Variants in PDZK1IP1 observed in about 807,000 individuals in gnomAD.
PDZK1IP1 encodes PDZK1-interacting protein 1.
Under a neutral mutation model 14.7 loss-of-function variants are expected in PDZK1IP1, and 9 were observed. That is an observed-to-expected ratio of 0.61 (90% confidence interval 0.37 to 1.07). The LOEUF (loss-of-function observed/expected upper bound fraction) is 1.07. Among genes scored for constraint, PDZK1IP1 ranks in the 50% least tolerant of loss-of-function variants. The probability of loss-of-function intolerance (pLI) is 0.01; values close to 1 mark genes in which losing one functional copy is unlikely to be tolerated. For synonymous variants in PDZK1IP1, 70 were observed against 61.2 expected, an observed-to-expected ratio of 1.14 and a Z score of -0.67; for missense variants, 152 against 148.7, an observed-to-expected ratio of 1.02 and a Z score of -0.11.
intron 3 of PDZK1IP1, 112 bp from the exon 4 acceptor site, chr1:47,184,155 C>A: frequency 2.4e-6 from 2 of 837,094 alleles, no homozygotes; most frequent in Non-Finnish European, 1.9e-6. Context: ...AAACACTTGA[C>A]TCCCAGAAGG....
In PDZK1IP1 at chr1:47,184,925, C is replaced by T; in HGVS notation, c.272+77G>A. On this transcript the variant is annotated intron_variant, in intron 3 of 3. Coordinates refer to ENST00000294338, the MANE Select transcript of PDZK1IP1 (RefSeq NM_005764.4). ...GAGTCTCCGTCCTCCCCAGCCACCTCCCCCCAGCAGCACCTGTCTTGAGAT... is the reference window on the plus strand; with the variant it reads ...GAGTCTCCGTCCTCCCCAGCCACCTTCCCCCAGCAGCACCTGTCTTGAGAT... 4 of 1,188,908 alleles carry T rather than the reference C, an allele frequency of 3.4e-6. No homozygotes were observed. The Middle Eastern group carries it at 7.7e-4, about 229-fold the overall frequency. The allele number at this position is 1,188,908 out of a possible 1,614,324, so 73.6% of individuals were successfully genotyped here. A position where few individuals can be genotyped will look rare whatever the true frequency, so the allele number is the denominator to read the frequency against.
chr1:47,184,967 GAGCACAGACCGGGC>G, intron 3 of PDZK1IP1, 21 bp downstream of exon 3: 1 of 1,522,686 alleles, frequency 6.6e-7, no homozygotes, highest in Non-Finnish European at 9.1e-7. Context: ...TAGGCCCTGG[GAGCACAGACCGGGC>G]AGCCCTGCCC....
At chr1:47,188,424 C>G (rs142623277) in intron 1 of PDZK1IP1, among the ~76,000 whole-genome samples, 1 of 152,250 alleles carries the variant, frequency 6.6e-6, no homozygotes, top group African/African-American at 2.4e-5. Context: ...CACTGCACTC[C>G]ATGAGCCTGC....
intron 2 of PDZK1IP1, among the ~76,000 whole-genome samples, chr1:47,185,545 A>G (rs1316639226): frequency 6.6e-6 from 1 of 152,140 alleles, no homozygotes; most frequent in Non-Finnish European, 1.5e-5. Flanking sequence ...AACCCCCTGC[A>G]GTGTGGGCTC....
Position 47,183,633 on chromosome 1 carries a change from ATAC to A in PDZK1IP1, c.*335_*337del. The A allele has an allele frequency of 3.3e-6, 1 of 304,296 alleles. No individual in the cohort carries two copies. 18.8% of individuals were successfully genotyped at this position (304,296 alleles called of 1,614,324 possible). ...CTGTTGCTGAGCCTCAGCCCCAGAA[ATAC>A]AAAAAGTCTTTATTTCACAGAAATT... On this transcript the variant is annotated 3_prime_UTR_variant, in exon 4 of 4. Transcript: ENST00000294338.
Position 47,184,059 on chromosome 1 carries a change from A to G in PDZK1IP1, c.273-16T>C. On this transcript the variant is annotated splice_polypyrimidine_tract_variant and intron_variant, in intron 3 of 3. Coordinates refer to ENST00000294338, the MANE Select transcript of PDZK1IP1 (RefSeq NM_005764.4). ...CTCACTGGACCTGAAAGAAGAAGGC[A>G]TGGGCCTGATGGGTCATCGCTCCTC... 1 of 1,559,880 alleles carries G rather than the reference A, an allele frequency of 6.4e-7. No individual in the cohort carries two copies.
intron 3 of PDZK1IP1, among the ~76,000 whole-genome samples, chr1:47,184,273 T>TGCAGTGGCTGCA (rs1220455957): frequency 6.7e-6 from 1 of 149,616 alleles, no homozygotes; most frequent in African/African-American, 2.5e-5. Flanking sequence ...CACCACTGGG[T>TGCAGTGGCTGCA]CCTACTGAGC....
chr1:47,185,048 G>A lies in PDZK1IP1; in HGVS notation c.226C>T (p.Leu76=). Residue 76 remains leucine (L), a synonymous_variant, in exon 3 of 4, where the codon CTG becomes TTG. Transcript: ENST00000294338. ...GAGTACCTTCCATCTGTTCCCACCA[G>A]GACTCCATCTGCCTTGTTTCCGACG... ...LTVGNKADGV[L]VGTDGRYSSM... The A allele has an allele frequency of 6.2e-7, 1 of 1,613,456 alleles. No individual in the cohort carries two copies. Among genetic ancestry groups the A allele is most frequent in the South Asian group, 1.1e-5 (1 of 91,082 alleles).
rs867895027 is a variant in PDZK1IP1, at chr1:47,187,530, C to G, written c.68-103G>C. The G allele has an allele frequency of 6.2e-5, 55 of 884,894 alleles. No homozygotes were observed. In the Middle Eastern group the frequency reaches 1.6e-3, roughly 26 times the overall value. 54.8% of individuals were successfully genotyped at this position (884,894 alleles called of 1,614,324 possible). On this transcript the variant is annotated intron_variant, in intron 1 of 3. Coordinates refer to ENST00000294338, the MANE Select transcript of PDZK1IP1 (RefSeq NM_005764.4). ...TCAAGGACCCCACCTATGCTGAAGG[C>G]CCTCAGCCAGCTGCCAGGAGCAAGG...
intron 2 of PDZK1IP1, among the ~76,000 whole-genome samples, chr1:47,186,136 T>A (rs113602648): frequency 0.055 from 8,355 of 151,936 alleles, 776 homozygotes; most frequent in African/African-American, 0.19. Context: ...GAGTGAAACC[T>A]GTCTCTACTA....
intron 1 of PDZK1IP1, among the ~76,000 whole-genome samples, chr1:47,188,895 C>A (rs3737771): frequency 2.0e-5 from 3 of 152,196 alleles, no homozygotes; most frequent in African/African-American, 7.2e-5. Flanking sequence ...TAGGGCTCAA[C>A]CCTTGGAGGC....
chr1:47,187,808 C>T (rs1489219407), intron 1 of PDZK1IP1, among the ~76,000 whole-genome samples: 1 of 152,220 alleles, frequency 6.6e-6, no homozygotes, highest in Admixed American at 6.5e-5. Flanking sequence ...GGACAGCCGG[C>T]CTAGGCCTTG....
chr1:47,183,933 T>C lies in PDZK1IP1; in HGVS notation c.*38A>G. The C allele has an allele frequency of 1.3e-6, 2 of 1,506,682 alleles. No homozygotes were observed. The highest frequency in any genetic ancestry group is 1.8e-6 in the Non-Finnish European group (2 of 1,097,254). 93.3% of individuals were successfully genotyped at this position (1,506,682 alleles called of 1,614,324 possible). ...GTGGTAGCACTGGACATCCATCCCA[T>C]GTGCCTGGGAGTCTTGGGGTTGGAG... On this transcript the variant is annotated 3_prime_UTR_variant, in exon 4 of 4. Coordinates refer to ENST00000294338, the MANE Select transcript of PDZK1IP1 (RefSeq NM_005764.4).
chr1:47,183,886 C>T lies in PDZK1IP1; in HGVS notation c.*85G>A, dbSNP rs538757747. 1.4e-5 allele frequency: 17 copies of T among 1,187,142 alleles called. No individual in the cohort carries two copies. The South Asian group carries it at 2.3e-4, about 16-fold the overall frequency. The allele number at this position is 1,187,142 out of a possible 1,614,324, so 73.5% of individuals were successfully genotyped here. A position where few individuals can be genotyped will look rare whatever the true frequency, so the allele number is the denominator to read the frequency against. ...AGTCAGCCCACTATTGCAGATTCCA[C>T]ACAAAGAAGGAGGGGGCTTGGGTGG... On this transcript the variant is annotated 3_prime_UTR_variant, in exon 4 of 4. Coordinates refer to ENST00000294338, the MANE Select transcript of PDZK1IP1 (RefSeq NM_005764.4).
intron 2 of PDZK1IP1, among the ~76,000 whole-genome samples, chr1:47,185,921 A>G (rs891103966): frequency 4.0e-5 from 6 of 151,884 alleles, no homozygotes; most frequent in African/African-American, 1.5e-4. Context: ...CCAGGCCTGC[A>G]GACTGGAGAC....
intron 2 of PDZK1IP1, 35 bp downstream of exon 2, chr1:47,187,284 C>T (rs755538552): frequency 1.3e-6 from 2 of 1,495,738 alleles, no homozygotes; most frequent in East Asian, 4.5e-5. Flanking sequence ...CCTGGGCCCA[C>T]CCTGCCTGCT....
intron 2 of PDZK1IP1, among the ~76,000 whole-genome samples, chr1:47,186,809 C>T (rs984479611): frequency 2.6e-5 from 4 of 152,208 alleles, no homozygotes; most frequent in Admixed American, 6.5e-5. Context: ...CTGGCCACCC[C>T]GGACCAGGTC....
At chr1:47,189,781 A>T in intron 1 of PDZK1IP1, 85 bp downstream of exon 1, 3 of 992,802 alleles carry the variant, frequency 3.0e-6, no homozygotes, top group Non-Finnish European at 4.3e-6. Context: ...CCAAACTGTA[A>T]GTATCAAGGC....
At chr1:47,186,539 T>G (rs1436500396) in intron 2 of PDZK1IP1, among the ~76,000 whole-genome samples, 2 of 152,200 alleles carry the variant, frequency 1.3e-5, no homozygotes, top group Non-Finnish European at 2.9e-5. Context: ...TTGTGAGATC[T>G]GGGAAGAAAT....
Sources: allele counts gnomAD v4.1 joint callset (sites outside exome capture counted in the v4.1 genomes callset), GRCh38; gene constraint gnomAD v4.1.1; transcripts MANE v1.5; gene names NCBI Gene and HGNC (gene_info 2026-07-23, HGNC 2026-07-21).